PLXDC2: variants seen among roughly 807,000 people sequenced by gnomAD.
The protein encoded by PLXDC2 is plexin domain-containing protein 2.
PLXDC2 carries 40 observed loss-of-function variants against 68.9 expected under a neutral mutation model. That is an observed-to-expected ratio of 0.58 (90% CI 0.45 to 0.76). The LOEUF (loss-of-function observed/expected upper bound fraction) is 0.76. Ranked by LOEUF, PLXDC2 falls within the 30% of genes least tolerant of loss-of-function variation. The probability of loss-of-function intolerance (pLI) is 0.00; values close to 1 mark genes in which losing one functional copy is unlikely to be tolerated. For missense variants in PLXDC2, 644 were observed against 661.9 expected (o/e 0.97, Z 0.30); for synonymous variants, 243 against 234.2 (o/e 1.04, Z -0.34).
At chr10:20,252,133 A>C (rs1835684251) in intron 13 of PLXDC2, among the ~76,000 whole-genome samples, 1 of 152,098 alleles carries the variant, frequency 6.6e-6, no homozygotes. Context: ...AGGGCAATGG[A>C]GTTTGCCTGT....
Position 20,142,672 on chromosome 10 carries a change from A to G in PLXDC2, c.542-623A>G, listed in dbSNP as rs151034945. On this transcript the variant is annotated intron_variant, in intron 4 of 13. Coordinates refer to ENST00000377252, the MANE Select transcript of PLXDC2 (RefSeq NM_032812.9). ...ATAGAGAGGCATTTGTGCATTGTCA[A>G]TGTTTTACCACCTTACCTGCAAACA... Among the ~76,000 whole-genome samples, 52 of 152,178 alleles carry G rather than the reference A, an allele frequency of 3.4e-4. 4 individuals are homozygous for G. In the East Asian group the frequency reaches 9.4e-3, roughly 28 times the overall value.
chr10:19,885,339 C>T (rs1308553770), intron 1 of PLXDC2, among the ~76,000 whole-genome samples: 9 of 150,388 alleles, frequency 6.0e-5, no homozygotes, highest in Non-Finnish European at 7.5e-5. Context: ...TTTTGCTGTG[C>T]AGAAGCTCTT....
intron 7 of PLXDC2, among the ~76,000 whole-genome samples, chr10:20,167,206 G>A (rs1057073047): frequency 9.9e-5 from 15 of 152,030 alleles, no homozygotes; most frequent in African/African-American, 3.4e-4. Context: ...ATCATTTTGG[G>A]AACACAAAAT....
chr10:19,986,150 C>T (rs1012639313), intron 1 of PLXDC2, among the ~76,000 whole-genome samples: 2 of 151,632 alleles, frequency 1.3e-5, no homozygotes, highest in Admixed American at 1.3e-4. Context: ...TTTTTTTTCA[C>T]AAACAGGAAC....
At chr10:20,116,876 G>T (rs1030421410) in intron 4 of PLXDC2, among the ~76,000 whole-genome samples, 1 of 152,026 alleles carries the variant, frequency 6.6e-6, no homozygotes, top group Non-Finnish European at 1.5e-5. Context: ...AAATTCTACA[G>T]ATTGTTATTT....
intron 1 of PLXDC2, among the ~76,000 whole-genome samples, chr10:19,942,533 C>A (rs1833835895): frequency 6.6e-6 from 1 of 152,158 alleles, no homozygotes; most frequent in African/African-American, 2.4e-5. Context: ...GAGGTCAAGG[C>A]AAGTGGATCA....
At chr10:20,167,540 A>G (rs182220000) in intron 7 of PLXDC2, among the ~76,000 whole-genome samples, 186 of 152,250 alleles carry the variant, frequency 1.2e-3, no homozygotes, top group Non-Finnish European at 1.7e-3. Context: ...GGGAATTTAA[A>G]TACTTTGCCT....
intron 4 of PLXDC2, among the ~76,000 whole-genome samples, chr10:20,123,723 G>A (rs1833731420): frequency 6.6e-6 from 1 of 151,668 alleles, no homozygotes; most frequent in Admixed American, 6.6e-5. Context: ...CTCCAGAAAA[G>A]TGGGAAAGGG....
intron 2 of PLXDC2, among the ~76,000 whole-genome samples, chr10:20,011,840 A>G (rs1342137713): frequency 6.6e-6 from 1 of 152,136 alleles, no homozygotes; most frequent in Non-Finnish European, 1.5e-5. Flanking sequence ...TCTGTCCGTG[A>G]ACTTATGTAC....
chr10:20,221,172 C>T (rs943342098), intron 12 of PLXDC2, among the ~76,000 whole-genome samples: 18 of 151,998 alleles, frequency 1.2e-4, no homozygotes. Flanking sequence ...GTATGTCATG[C>T]ACTTAATGTT....
intron 12 of PLXDC2, among the ~76,000 whole-genome samples, chr10:20,233,879 G>A (rs1274169308): frequency 1.3e-5 from 2 of 152,102 alleles, no homozygotes; most frequent in African/African-American, 4.8e-5. Context: ...AGAGTGCAGT[G>A]GTGCAATCAT....
chr10:20,231,907 T>C (rs1244762306), intron 12 of PLXDC2, among the ~76,000 whole-genome samples: 6 of 151,748 alleles, frequency 4.0e-5, no homozygotes, highest in Non-Finnish European at 7.4e-5. Context: ...GTCCCAGCTA[T>C]GTGGGAGGCC....
chr10:20,026,129 G>A (rs1016231095), intron 2 of PLXDC2, among the ~76,000 whole-genome samples: 3 of 148,700 alleles, frequency 2.0e-5, no homozygotes, highest in Non-Finnish European at 4.5e-5. Flanking sequence ...AGATGCATAG[G>A]TAAATCAAGT....
At chr10:20,219,021 A>G in intron 11 of PLXDC2, 43 bp from the exon 12 acceptor site, 1 of 1,599,772 alleles carries the variant, frequency 6.3e-7, no homozygotes, top group Non-Finnish European at 8.5e-7. Context: ...CTCCTTTGAA[A>G]TCAATCCTTT....
rs569332142 is a variant in PLXDC2, at chr10:19,844,417, T to C, written c.112+27226T>C. On this transcript the variant is annotated intron_variant, in intron 1 of 13. Transcript: ENST00000377252. ...AAGTCTGTGCCTGAATGGGTAGAAATGTAGTGACTTAGTCAAAAGTGATGT... is the reference window on the plus strand; with the variant it reads ...AAGTCTGTGCCTGAATGGGTAGAAACGTAGTGACTTAGTCAAAAGTGATGT... Among the ~76,000 whole-genome samples, 23 of 152,212 alleles carry C rather than the reference T, an allele frequency of 1.5e-4. No individual in the cohort carries two copies. In the East Asian group the frequency reaches 3.9e-3, roughly 26 times the overall value.
In PLXDC2 at chr10:20,288,334, C is replaced by T. The variant is rs1195073720; in HGVS notation, c.*8515C>T. ...CAAGCATTTTGAATTTATTCCAGTC[C>T]TCTGGGCATCATTCCTATTTCTTCT... is the stretch of plus-strand genomic sequence containing the variant. On this transcript the variant is annotated 3_prime_UTR_variant, in exon 14 of 14. Transcript: ENST00000377252. 1.3e-5 allele frequency: 2 copies of T among 151,796 alleles called. No homozygotes were observed. Among genetic ancestry groups the T allele is most frequent in the Admixed American group, 1.3e-4 (2 of 15,192 alleles). 9.4% of individuals were successfully genotyped at this position (151,796 alleles called of 1,614,324 possible). A position where few individuals can be genotyped will look rare whatever the true frequency, so the allele number is the denominator to read the frequency against.
chr10:19,967,614 A>G (rs1435580817), intron 1 of PLXDC2, among the ~76,000 whole-genome samples: 1 of 152,224 alleles, frequency 6.6e-6, no homozygotes, highest in African/African-American at 2.4e-5. Flanking sequence ...TGTTAAAATC[A>G]GACCTTACCA....
chr10:19,833,376 A>G (rs1367311265), intron 1 of PLXDC2, among the ~76,000 whole-genome samples: 1 of 152,206 alleles, frequency 6.6e-6, no homozygotes, highest in Non-Finnish European at 1.5e-5. Context: ...GCAGGCTCAG[A>G]CTTGCATGGC....
chr10:20,061,882 T>G (rs10827942), intron 3 of PLXDC2, among the ~76,000 whole-genome samples: 22,251 of 152,212 alleles, frequency 0.15, 1,915 homozygotes, highest in South Asian at 0.3. Context: ...GCTGTGATAA[T>G]GCACTGGTGT....
Sources: gnomAD v4.1 joint callset for allele counts (sites outside exome capture counted in the v4.1 genomes callset) on GRCh38, gnomAD v4.1.1 for gene constraint, MANE v1.5 for transcripts, NCBI Gene and HGNC (gene_info 2026-07-23, HGNC 2026-07-21) for gene names.